The following METTL25 variants were observed in gnomAD, a reference collection of about 807,000 sequenced individuals.
METTL25 encodes methyltransferase like 25, also known as probable methyltransferase-like protein 25.
Under a neutral mutation model 71.6 loss-of-function variants are expected in METTL25, and 64 were observed. The ratio of observed to expected loss-of-function variants is 0.89; its 90% CI spans 0.73 to 1.10. METTL25 has a LOEUF of 1.10. Among genes scored for constraint, METTL25 ranks in the 50% least tolerant of loss-of-function variants. The pLI is 0.00. For synonymous variants in METTL25, 287 were observed against 250.3 expected, an observed-to-expected ratio of 1.15 and a Z score of -1.38; for missense variants, 807 against 707.0, an observed-to-expected ratio of 1.14 and a Z score of -1.60.
chr12:82,372,874 A>C (rs1023257676), intron 1 of METTL25, among the ~76,000 whole-genome samples: 2 of 152,168 alleles, frequency 1.3e-5, no homozygotes, highest in Admixed American at 1.3e-4. Context: ...CAGCAGAAAC[A>C]CTTCTTGCCC....
chr12:82,359,773 A>G (rs8181688), intron 1 of METTL25, among the ~76,000 whole-genome samples: 140,157 of 152,268 alleles, frequency 0.92, 64,868 homozygotes, highest in East Asian at 1. Context: ...ATGGACACCA[A>G]CAGGCTTCTG....
chr12:82,362,819 G>C (rs916631829), intron 1 of METTL25, among the ~76,000 whole-genome samples: 5 of 152,206 alleles, frequency 3.3e-5, no homozygotes, highest in Non-Finnish European at 1.5e-5. Flanking sequence ...AGGAACAGTA[G>C]CTTGAAGAGG....
At chr12:82,412,798 C>T (rs562726453) in intron 5 of METTL25, among the ~76,000 whole-genome samples, 2 of 152,080 alleles carry the variant, frequency 1.3e-5, no homozygotes, top group East Asian at 3.9e-4. Context: ...TTGAACTTTT[C>T]ACATAAAGGC....
chr12:82,372,014 T>C (rs1047870274), intron 1 of METTL25, among the ~76,000 whole-genome samples: 7 of 152,196 alleles, frequency 4.6e-5, no homozygotes, highest in African/African-American at 7.2e-5. Flanking sequence ...TCAGCTGTCA[T>C]TCCATCATTT....
chr12:82,465,007 A>G (rs1167164353), intron 9 of METTL25, among the ~76,000 whole-genome samples: 4 of 151,650 alleles, frequency 2.6e-5, no homozygotes, highest in African/African-American at 9.7e-5. Flanking sequence ...TTTTTGGTAG[A>G]ATCTTTAGGT....
At chr12:82,363,293 A>G (rs1199149049) in intron 1 of METTL25, among the ~76,000 whole-genome samples, 2 of 152,192 alleles carry the variant, frequency 1.3e-5, no homozygotes, top group Non-Finnish European at 2.9e-5. Flanking sequence ...CCTTCAACAG[A>G]GTGTATTTCC....
rs925142135 is a variant in METTL25 at position 82,478,826 on chromosome 12, A to C, written c.1720-106A>C. Reference sequence around the variant, plus strand: ...AAAGCATAAGAATTTTCTGTGAAACAGCTTTGTTTTTATGTATTTTTTATA... The same window carrying C: ...AAAGCATAAGAATTTTCTGTGAAACCGCTTTGTTTTTATGTATTTTTTATA... On this transcript the variant is annotated intron_variant, in intron 11 of 11. Coordinates refer to ENST00000248306, the MANE Select transcript of METTL25 (RefSeq NM_032230.3). 14 of 840,990 alleles carry C rather than the reference A, an allele frequency of 1.7e-5. No individual in the cohort carries two copies. In the African/African-American group the frequency reaches 2.2e-4, roughly 13 times the overall value. 52.1% of individuals were successfully genotyped at this position (840,990 alleles called of 1,614,324 possible). A position where few individuals can be genotyped will look rare whatever the true frequency, so the allele number is the denominator to read the frequency against.
At chr12:82,397,339 T>C (rs1886170190) in intron 3 of METTL25, among the ~76,000 whole-genome samples, 1 of 152,140 alleles carries the variant, frequency 6.6e-6, no homozygotes, top group South Asian at 2.1e-4. Flanking sequence ...TTACTTGTCT[T>C]CTTACTGAGT....
intron 5 of METTL25, among the ~76,000 whole-genome samples, chr12:82,418,436 A>C (rs1888176895): frequency 6.6e-6 from 1 of 152,072 alleles, no homozygotes; most frequent in Non-Finnish European, 1.5e-5. Flanking sequence ...TTTTGTAGCC[A>C]CCTCCCGTTG....
intron 1 of METTL25, among the ~76,000 whole-genome samples, chr12:82,383,979 A>T (rs192307684): frequency 1.0e-3 from 152 of 152,260 alleles, no homozygotes; most frequent in Non-Finnish European, 1.9e-3. Context: ...TTAAGAACCC[A>T]TCTTATAACT....
chr12:82,397,373 A>G (rs1056201507), intron 3 of METTL25, among the ~76,000 whole-genome samples: 1 of 152,120 alleles, frequency 6.6e-6, no homozygotes, highest in Non-Finnish European at 1.5e-5. Context: ...TATTCTAGAT[A>G]TAAGTCCTTT....
intron 9 of METTL25, among the ~76,000 whole-genome samples, chr12:82,471,330 G>GT (rs1477423196): frequency 6.6e-6 from 1 of 152,226 alleles, no homozygotes; most frequent in African/African-American, 2.4e-5. Flanking sequence ...GCCTCCTCAT[G>GT]TTTGTTACCT....
intron 5 of METTL25, among the ~76,000 whole-genome samples, chr12:82,416,056 A>G (rs1268052739): frequency 6.6e-6 from 1 of 152,142 alleles, no homozygotes; most frequent in African/African-American, 2.4e-5. Context: ...TTTAAATTGA[A>G]GTTACAGTCT....
At chr12:82,425,401 A>G (rs1353990658) in intron 5 of METTL25, among the ~76,000 whole-genome samples, 1 of 152,248 alleles carries the variant, frequency 6.6e-6, no homozygotes, top group East Asian at 1.9e-4. Flanking sequence ...CCACAGGAAC[A>G]TTTCATAGGC....
At chr12:82,376,069 G>A (rs1883822151) in intron 1 of METTL25, among the ~76,000 whole-genome samples, 1 of 152,142 alleles carries the variant, frequency 6.6e-6, no homozygotes, top group Admixed American at 6.5e-5. Context: ...CCCATTTAAT[G>A]TAGGAATTAT....
chr12:82,433,616 C>T (rs974679579), intron 6 of METTL25, among the ~76,000 whole-genome samples: 6 of 151,540 alleles, frequency 4.0e-5, no homozygotes, highest in Middle Eastern at 3.2e-3. Flanking sequence ...AGTTCTTGCT[C>T]AGTTCTTTGC....
At chr12:82,437,826 T>G (rs535492180) in intron 7 of METTL25, among the ~76,000 whole-genome samples, 1 of 151,796 alleles carries the variant, frequency 6.6e-6, no homozygotes, top group South Asian at 2.1e-4. Context: ...CCTCCTTCTA[T>G]TCTTACTCAT....
At chr12:82,426,296 C>G (rs756096464) in intron 5 of METTL25, among the ~76,000 whole-genome samples, 55 of 151,992 alleles carry the variant, frequency 3.6e-4, no homozygotes, top group Middle Eastern at 3.2e-3. Context: ...TGATCTCAGC[C>G]GCAAAGGAAA....
chr12:82,460,028 C>T (rs1482033033), intron 9 of METTL25: 2 of 152,186 alleles, frequency 1.3e-5, no homozygotes, highest in Non-Finnish European at 2.9e-5. Context: ...TACTTTAGTT[C>T]TTAAGCCAAT....
Sources: allele counts gnomAD v4.1 joint callset (sites outside exome capture counted in the v4.1 genomes callset), GRCh38; gene constraint gnomAD v4.1.1; transcripts MANE v1.5; gene names NCBI Gene and HGNC (gene_info 2026-07-23, HGNC 2026-07-21).